The following NMT2 variants were observed in gnomAD, a reference collection of about 807,000 sequenced individuals.
The protein encoded by NMT2 is glycylpeptide N-tetradecanoyltransferase 2.
A neutral mutation model predicts 65.4 loss-of-function variants in NMT2; 35 were observed. The observed-to-expected ratio is 0.54, with a 90% confidence interval of 0.41 to 0.71. The LOEUF (loss-of-function observed/expected upper bound fraction) is 0.71, where lower values mean the gene tolerates loss of function less well. Among genes scored for constraint, NMT2 ranks in the 30% least tolerant of loss-of-function variants. The pLI is 0.00. For missense variants in NMT2, 489 were observed against 611.3 expected (o/e 0.80, Z 2.11); for synonymous variants, 226 against 231.8 (o/e 0.98, Z 0.23).
intron 8 of NMT2, among the ~76,000 whole-genome samples, chr10:15,127,760 G>A (rs368645321): frequency 3.3e-5 from 5 of 151,346 alleles, no homozygotes; most frequent in African/African-American, 7.3e-5. Context: ...AAAATTAGCC[G>A]GGTGTGGTGG....
chr10:15,141,715 G>A (rs1846773817), intron 1 of NMT2, among the ~76,000 whole-genome samples, 158 bp from the exon 2 acceptor site: 1 of 152,226 alleles, frequency 6.6e-6, no homozygotes, highest in Admixed American at 6.5e-5. Context: ...GTAGTGGAGT[G>A]AAGACGGTAA....
chr10:15,115,018 A>C (rs1471218699), intron 9 of NMT2, among the ~76,000 whole-genome samples: 2 of 152,184 alleles, frequency 1.3e-5, no homozygotes, highest in Non-Finnish European at 2.9e-5. Flanking sequence ...AAATTAAAAA[A>C]AAAAATTGGG....
chr10:15,156,360 T>C (rs1456683056), intron 1 of NMT2, among the ~76,000 whole-genome samples: 1 of 152,196 alleles, frequency 6.6e-6, no homozygotes, highest in Non-Finnish European at 1.5e-5. Context: ...CTTCCCCTTC[T>C]GCCATGAGTG....
chr10:15,122,943 A>G (rs1410802123), intron 8 of NMT2, among the ~76,000 whole-genome samples: 1 of 152,188 alleles, frequency 6.6e-6, no homozygotes, highest in African/African-American at 2.4e-5. Context: ...TAAAAAAAAA[A>G]AATGACTGCA....
intron 8 of NMT2, among the ~76,000 whole-genome samples, chr10:15,123,898 GTGT>G (rs1846002703): frequency 1.3e-5 from 2 of 152,136 alleles, no homozygotes; most frequent in Non-Finnish European, 2.9e-5. Flanking sequence ...AAAAACAGTA[GTGT>G]TGTTATCTGT....
At position 15,109,932 on chromosome 10, in the gene NMT2, A is replaced by T. The variant is rs553212925; in HGVS notation, c.1339-93T>A. ...TTTAACAATTCTACTAATAGCTCGA[A>T]TATGCATTTCTAATAGGATTTAACG... On this transcript the variant is annotated intron_variant, in intron 10 of 11. Coordinates refer to ENST00000378165, the MANE Select transcript of NMT2 (RefSeq NM_004808.3). 4.5e-4 allele frequency: 459 copies of T among 1,015,556 alleles called. 1 individual carries two copies. The highest frequency in any genetic ancestry group is 6.2e-4 in the Non-Finnish European group (426 of 691,908). 62.9% of individuals were successfully genotyped at this position (1,015,556 alleles called of 1,614,324 possible).
chr10:15,165,137 T>C (rs1833335492), intron 1 of NMT2, among the ~76,000 whole-genome samples: 1 of 148,422 alleles, frequency 6.7e-6, no homozygotes, highest in Non-Finnish European at 1.5e-5. Context: ...CACTCCAGCC[T>C]GGGTGACAAG....
In NMT2 at chr10:15,143,883, C is replaced by T. The variant is rs1224440538; in HGVS notation, c.111-2326G>A. 2.6e-5 allele frequency among the ~76,000 whole-genome samples: 4 copies of T among 152,076 alleles called. No individual in the cohort carries two copies. The East Asian group carries it at 7.7e-4, about 29-fold the overall frequency. On this transcript the variant is annotated intron_variant, in intron 1 of 11. Transcript: ENST00000378165. ...AACAACTACAACAACAACACAACAACAATAATAATAGTCTCTAAAACAGAT... is the reference window on the plus strand; with the variant it reads ...AACAACTACAACAACAACACAACAATAATAATAATAGTCTCTAAAACAGAT...
Position 15,141,692 on chromosome 10 carries a change from T to C in NMT2, c.111-135A>G, listed in dbSNP as rs1846772249. The C allele has an allele frequency of 5.8e-6, 7 of 1,200,770 alleles. No homozygotes were observed. In the Admixed American group the frequency reaches 1.3e-4, roughly 23 times the overall value. The allele number at this position is 1,200,770 out of a possible 1,614,324, so 74.4% of individuals were successfully genotyped here. On this transcript the variant is annotated intron_variant, in intron 1 of 11. Transcript: ENST00000378165. ...GAAAATAACTGTGTTAGGATGTAGGTGAGGAATAAAAGGTAGTGGAGTGAA... is the reference window on the plus strand; with the variant it reads ...GAAAATAACTGTGTTAGGATGTAGGCGAGGAATAAAAGGTAGTGGAGTGAA...
At chr10:15,144,373 G>A (rs972855619) in intron 1 of NMT2, among the ~76,000 whole-genome samples, 1 of 152,112 alleles carries the variant, frequency 6.6e-6, no homozygotes, top group Non-Finnish European at 1.5e-5. Context: ...TGAAGGAAAC[G>A]AGACTTTGAG....
chr10:15,120,322 G>T (rs1312664445), intron 8 of NMT2, among the ~76,000 whole-genome samples: 1 of 152,156 alleles, frequency 6.6e-6, no homozygotes, highest in African/African-American at 2.4e-5. Flanking sequence ...GCCAGGCGTG[G>T]TGACATGCAC....
chr10:15,167,912 T>G (rs1370392057), intron 1 of NMT2, among the ~76,000 whole-genome samples: 1 of 152,042 alleles, frequency 6.6e-6, no homozygotes, highest in East Asian at 1.9e-4. Flanking sequence ...AAGCCCAGTA[T>G]CCCCAGCAGG....
chr10:15,149,265 G>A (rs1024592882), intron 1 of NMT2, among the ~76,000 whole-genome samples: 1 of 137,654 alleles, frequency 7.3e-6, no homozygotes, highest in Non-Finnish European at 1.6e-5. Flanking sequence ...CATCACCATC[G>A]CCACTACCAT....
intron 8 of NMT2, among the ~76,000 whole-genome samples, chr10:15,125,759 T>C (rs371949972): frequency 1.1e-4 from 16 of 152,150 alleles, no homozygotes; most frequent in African/African-American, 3.1e-4. Flanking sequence ...CTGTGCCTCC[T>C]AGGTTCAAGC....
chr10:15,147,635 GAAA>G (rs113883663), intron 1 of NMT2, among the ~76,000 whole-genome samples: 1 of 145,254 alleles, frequency 6.9e-6, no homozygotes, highest in Admixed American at 6.9e-5. Context: ...CCCACAACAT[GAAA>G]AAAAAAACAA....
chr10:15,152,171 A>C (rs1208861933), intron 1 of NMT2, among the ~76,000 whole-genome samples: 2 of 152,236 alleles, frequency 1.3e-5, no homozygotes, highest in Non-Finnish European at 2.9e-5. Flanking sequence ...TTCTATGAGC[A>C]AAGTCAAAGG....
intron 8 of NMT2, among the ~76,000 whole-genome samples, chr10:15,120,255 C>T (rs1480543702): frequency 6.6e-6 from 1 of 152,082 alleles, no homozygotes; most frequent in South Asian, 2.1e-4. Flanking sequence ...GTCAGAAGTT[C>T]GAGACCAGCC....
intron 7 of NMT2, 41 bp from the exon 8 acceptor site, chr10:15,128,499 ACT>A (rs1162925328): frequency 8.0e-7 from 1 of 1,245,960 alleles, no homozygotes. Flanking sequence ...TTGATTTCTA[ACT>A]CTACAAGTTT....
chr10:15,151,899 G>T (rs572090862), intron 1 of NMT2, among the ~76,000 whole-genome samples: 1 of 152,148 alleles, frequency 6.6e-6, no homozygotes. Context: ...GGTGGCACGC[G>T]CCTGTAATCC....
Sources: allele counts gnomAD v4.1 joint callset (sites outside exome capture counted in the v4.1 genomes callset), GRCh38; gene constraint gnomAD v4.1.1; transcripts MANE v1.5; gene names NCBI Gene and HGNC (gene_info 2026-07-23, HGNC 2026-07-21).